The following STXBP6 variants were observed in gnomAD, a reference collection of about 807,000 sequenced individuals.
STXBP6 encodes the protein syntaxin-binding protein 6.
STXBP6 carries 21 observed loss-of-function variants against 26.9 expected under a neutral mutation model. That is an observed-to-expected ratio of 0.78 (90% CI 0.55 to 1.12). The LOEUF (loss-of-function observed/expected upper bound fraction) is 1.12, where lower values mean the gene tolerates loss of function less well. STXBP6 is among the 50% of genes most tolerant of loss of function. The pLI, the probability that STXBP6 is intolerant of heterozygous loss-of-function variation, is 0.00. For missense variants in STXBP6, 232 were observed against 257.9 expected (o/e 0.90, Z 0.69); for synonymous variants, 97 against 92.6 (o/e 1.05, Z -0.27).
chr14:24,839,370 TG>T (rs2068721933), intron 4 of STXBP6, among the ~76,000 whole-genome samples: 1 of 113,936 alleles, frequency 8.8e-6, no homozygotes, highest in Non-Finnish European at 2.3e-5. Flanking sequence ...ATACAACACA[TG>T]CTGTTCATTT....
At chr14:24,820,694 AT>A (rs1313520010) in intron 4 of STXBP6, among the ~76,000 whole-genome samples, 1 of 152,232 alleles carries the variant, frequency 6.6e-6, no homozygotes, top group Non-Finnish European at 1.5e-5. Flanking sequence ...CAACACTTGA[AT>A]AGCACTTTGC....
At chr14:24,912,705 A>G (rs1156594416) in intron 2 of STXBP6, among the ~76,000 whole-genome samples, 2 of 152,174 alleles carry the variant, frequency 1.3e-5, no homozygotes, top group African/African-American at 4.8e-5. Context: ...TGGCCCTCAG[A>G]CCATGCTATC....
chr14:24,859,767 G>A (rs1030349854), intron 2 of STXBP6, among the ~76,000 whole-genome samples: 8 of 152,140 alleles, frequency 5.3e-5, no homozygotes, highest in Non-Finnish European at 1.0e-4. Flanking sequence ...GGGGATTTCC[G>A]TTATGGCTTC....
chr14:24,957,294 G>C (rs1277424238), intron 2 of STXBP6, among the ~76,000 whole-genome samples: 1 of 152,154 alleles, frequency 6.6e-6, no homozygotes, highest in East Asian at 1.9e-4. Flanking sequence ...TCTAGCCTTG[G>C]TTTAAATTGA....
At chr14:25,002,166 C>A (rs1436571559) in intron 1 of STXBP6, among the ~76,000 whole-genome samples, 2 of 152,074 alleles carry the variant, frequency 1.3e-5, no homozygotes. Flanking sequence ...AATTATTTCA[C>A]ATAAGTAGAT....
intron 1 of STXBP6, among the ~76,000 whole-genome samples, chr14:24,982,112 A>C (rs2074209346): frequency 6.6e-6 from 1 of 152,200 alleles, no homozygotes; most frequent in African/African-American, 2.4e-5. Flanking sequence ...GTACTCCACT[A>C]AAATCTCAGT....
Position 24,812,728 on chromosome 14 carries a change from GC to G in STXBP6, c.613del (p.Ala205ProfsTer2). On this transcript the variant is annotated frameshift_variant, in exon 6 of 6. Transcript: ENST00000323944. LOFTEE classifies it high-confidence loss of function. Reference protein sequence around the residue: ...QQFAETAHKLAMKHKC With the variant: ...QQFAETAHKLXMKHKC Reference sequence around the variant, plus strand: ...AGTTTCTCAACATTTGTGCTTCATGGCAAGCTAAGGAGAGAGAGGAATGAGA... The same window carrying G: ...AGTTTCTCAACATTTGTGCTTCATGGAAGCTAAGGAGAGAGAGGAATGAGA... The G allele has an allele frequency of 6.2e-7, 1 of 1,613,698 alleles. No homozygotes were observed.
intron 2 of STXBP6, among the ~76,000 whole-genome samples, chr14:24,945,435 T>C (rs2072953487): frequency 6.6e-6 from 1 of 151,988 alleles, no homozygotes; most frequent in African/African-American, 2.4e-5. Context: ...CCAGGTGTGG[T>C]AGCACACACC....
intron 1 of STXBP6, among the ~76,000 whole-genome samples, chr14:25,018,618 G>A (rs892555341): frequency 3.3e-5 from 5 of 152,086 alleles, no homozygotes; most frequent in Admixed American, 2.6e-4. Flanking sequence ...GGCATAGCAG[G>A]AAAAACCTGG....
At chr14:25,027,931 A>G (rs1338232200) in intron 1 of STXBP6, among the ~76,000 whole-genome samples, 5 of 152,258 alleles carry the variant, frequency 3.3e-5, no homozygotes, top group Admixed American at 3.3e-4. Context: ...GCCAAAGCCT[A>G]ATCCAGAGAA....
chr14:24,818,662 G>A (rs1188456320), intron 5 of STXBP6, among the ~76,000 whole-genome samples: 2 of 152,126 alleles, frequency 1.3e-5, no homozygotes, highest in Non-Finnish European at 2.9e-5. Flanking sequence ...GCAGCCTCAC[G>A]TCCTCCATGT....
chr14:25,036,578 G>C (rs1296711062), intron 1 of STXBP6, among the ~76,000 whole-genome samples: 1 of 152,136 alleles, frequency 6.6e-6, no homozygotes, highest in Non-Finnish European at 1.5e-5. Context: ...CAGCTGGCCC[G>C]GCACGGTGGC....
intron 2 of STXBP6, among the ~76,000 whole-genome samples, chr14:24,881,367 C>T (rs556251712): frequency 3.9e-4 from 60 of 152,302 alleles, no homozygotes; most frequent in African/African-American, 1.4e-3. Context: ...AAGCAAATCC[C>T]TGTCTAGGGA....
chr14:24,955,624 A>G (rs1041172569), intron 2 of STXBP6, among the ~76,000 whole-genome samples: 3 of 152,112 alleles, frequency 2.0e-5, no homozygotes, highest in Non-Finnish European at 2.9e-5. Context: ...CATATGGCCC[A>G]TGATGAGATG....
intron 2 of STXBP6, among the ~76,000 whole-genome samples, chr14:24,887,524 T>C (rs1477500027): frequency 6.6e-6 from 1 of 152,210 alleles, no homozygotes; most frequent in Non-Finnish European, 1.5e-5. Flanking sequence ...GAGCCATTAC[T>C]CTTTTTCTCT....
chr14:24,812,571 G>A lies in STXBP6; in HGVS notation c.*138C>T, dbSNP rs2067852532. 1.3e-6 allele frequency: 1 copy of A among 759,134 alleles called. No individual in the cohort carries two copies. The highest frequency in any genetic ancestry group is 1.8e-5 in the African/African-American group (1 of 55,756). 47.0% of individuals were successfully genotyped at this position (759,134 alleles called of 1,614,324 possible). On this transcript the variant is annotated 3_prime_UTR_variant, in exon 6 of 6. Transcript: ENST00000323944. Reference sequence around the variant, plus strand: ...CACCCTTTCTTTCACATTAACATCTGAAAAGAAAAAACAAAAACCACTCTA... The same window carrying A: ...CACCCTTTCTTTCACATTAACATCTAAAAAGAAAAAACAAAAACCACTCTA...
chr14:24,905,286 A>G (rs2071349488), intron 2 of STXBP6, among the ~76,000 whole-genome samples: 1 of 152,198 alleles, frequency 6.6e-6, no homozygotes, highest in Non-Finnish European at 1.5e-5. Context: ...AGATACCCTC[A>G]GGTCAGGTTG....
chr14:24,875,026 C>T (rs1228180487), intron 2 of STXBP6, among the ~76,000 whole-genome samples: 1 of 152,204 alleles, frequency 6.6e-6, no homozygotes, highest in Admixed American at 6.5e-5. Flanking sequence ...AAGGAAGCTG[C>T]TCTACATGGA....
chr14:24,819,492 A>T lies in STXBP6; in HGVS notation c.452-298T>A, dbSNP rs1295944565. The T allele has an allele frequency of 7.2e-6, 4 of 551,960 alleles. No individual in the cohort carries two copies. In the African/African-American group the frequency reaches 7.5e-5, roughly 10 times the overall value. 34.2% of individuals were successfully genotyped at this position (551,960 alleles called of 1,614,324 possible). A position where few individuals can be genotyped will look rare whatever the true frequency, so the allele number is the denominator to read the frequency against. On this transcript the variant is annotated intron_variant, in intron 4 of 5. Transcript: ENST00000323944. Reference sequence around the variant, plus strand: ...ATTCTATCTGTGGAGGCTCAAAAGGATGGGGCCTGTCTGGATTTACAACTT... The same window carrying T: ...ATTCTATCTGTGGAGGCTCAAAAGGTTGGGGCCTGTCTGGATTTACAACTT...
Sources: allele counts gnomAD v4.1 joint callset (sites outside exome capture counted in the v4.1 genomes callset), GRCh38; gene constraint gnomAD v4.1.1; transcripts MANE v1.5; gene names NCBI Gene and HGNC (gene_info 2026-07-23, HGNC 2026-07-21).